The following PARD3 variants were observed in gnomAD, a reference collection of about 807,000 sequenced individuals.
PARD3 encodes the protein partitioning defective 3 homolog.
In PARD3, 75 loss-of-function variants were observed where a neutral mutation model predicts 155.4. The ratio of observed to expected loss-of-function variants is 0.48; its 90% confidence interval spans 0.40 to 0.58. The LOEUF (loss-of-function observed/expected upper bound fraction) is 0.58, where lower values mean the gene tolerates loss of function less well. PARD3 is among the 20% of genes least tolerant of loss of function. The probability of loss-of-function intolerance (pLI) is 0.00; values close to 1 mark genes in which losing one functional copy is unlikely to be tolerated. For missense variants in PARD3, 1,642 were observed against 1,721.7 expected (o/e 0.95, Z 0.82); for synonymous variants, 576 against 610.5 (o/e 0.94, Z 0.83).
intron 2 of PARD3, among the ~76,000 whole-genome samples, chr10:34,523,900 T>C (rs988758184): frequency 6.6e-6 from 1 of 152,210 alleles, no homozygotes; most frequent in Non-Finnish European, 1.5e-5. Flanking sequence ...ATTAGGATCA[T>C]ACCTACCAAT....
chr10:34,644,091 G>A (rs924387541), intron 2 of PARD3, among the ~76,000 whole-genome samples: 9 of 152,252 alleles, frequency 5.9e-5, no homozygotes, highest in Admixed American at 1.3e-4. Context: ...ACTGTCCACT[G>A]TGACTGGATA....
chr10:34,420,273 T>A (rs1332971452), intron 5 of PARD3, among the ~76,000 whole-genome samples: 3 of 152,354 alleles, frequency 2.0e-5, no homozygotes, highest in Non-Finnish European at 4.4e-5. Flanking sequence ...TCTAGCACCC[T>A]GTTTTTACTG....
intron 19 of PARD3, among the ~76,000 whole-genome samples, chr10:34,317,577 T>A (rs931725033): frequency 1.3e-5 from 2 of 152,108 alleles, no homozygotes; most frequent in Non-Finnish European, 2.9e-5. Context: ...AGCTTCCTGG[T>A]GGGATGCTGA....
At chr10:34,661,475 C>T (rs2093324890) in intron 2 of PARD3, among the ~76,000 whole-genome samples, 1 of 152,184 alleles carries the variant, frequency 6.6e-6, no homozygotes, top group African/African-American at 2.4e-5. Context: ...TGGCTAACCA[C>T]CACTCTGATG....
chr10:34,590,202 T>C (rs907797615), intron 2 of PARD3, among the ~76,000 whole-genome samples: 4 of 152,136 alleles, frequency 2.6e-5, no homozygotes, highest in Admixed American at 1.3e-4. Context: ...TCAAATCTAA[T>C]TTAAAATTAG....
At chr10:34,232,183 T>C (rs1181820853) in intron 22 of PARD3, among the ~76,000 whole-genome samples, 1 of 152,110 alleles carries the variant, frequency 6.6e-6, no homozygotes, top group African/African-American at 2.4e-5. Context: ...AATAGCAATA[T>C]CTAAATTATA....
At chr10:34,352,687 G>A (rs1838250237) in intron 14 of PARD3, among the ~76,000 whole-genome samples, 1 of 152,196 alleles carries the variant, frequency 6.6e-6, no homozygotes, top group South Asian at 2.1e-4. Context: ...CGTGATCTCA[G>A]CTCGCTACAA....
At chr10:34,365,582 A>G (rs1589316953) in intron 12 of PARD3, among the ~76,000 whole-genome samples, 1 of 152,130 alleles carries the variant, frequency 6.6e-6, no homozygotes, top group East Asian at 1.9e-4. Flanking sequence ...AGACAAGAAC[A>G]TCTTTTTACT....
chr10:34,278,073 G>C, intron 21 of PARD3, among the ~76,000 whole-genome samples: 1 of 152,176 alleles, frequency 6.6e-6, no homozygotes, highest in African/African-American at 2.4e-5. Flanking sequence ...AGAGACAGGG[G>C]TCTTACTCTG....
At chr10:34,753,519 A>C (rs1484596166) in intron 1 of PARD3, among the ~76,000 whole-genome samples, 5 of 152,260 alleles carry the variant, frequency 3.3e-5, no homozygotes, top group Non-Finnish European at 7.3e-5. Flanking sequence ...GACAACACAG[A>C]AAGTAGCTCA....
chr10:34,680,842 G>A (rs1451157379), intron 2 of PARD3, among the ~76,000 whole-genome samples: 1 of 116,878 alleles, frequency 8.6e-6, no homozygotes, highest in Non-Finnish European at 1.7e-5. Flanking sequence ...GGTGGGGTGG[G>A]GGGAGGGGGG....
At chr10:34,571,931 G>GTGGGAGAATACAAATATTATTATGCTC (rs1484743004) in intron 2 of PARD3, among the ~76,000 whole-genome samples, 36 of 152,250 alleles carry the variant, frequency 2.4e-4, no homozygotes, top group Non-Finnish European at 4.4e-4. Context: ...TCTAGATTTA[G>GTGGGAGAATACAAATATTATTATGCTC]TGGGAGAATA....
At chr10:34,511,170 G>A (rs1338485845) in intron 3 of PARD3, among the ~76,000 whole-genome samples, 3 of 152,116 alleles carry the variant, frequency 2.0e-5, no homozygotes, top group South Asian at 2.1e-4. Context: ...CACCCCTATC[G>A]TGTTCACATG....
chr10:34,435,281 A>G (rs2076133963), intron 5 of PARD3, among the ~76,000 whole-genome samples: 1 of 152,206 alleles, frequency 6.6e-6, no homozygotes, highest in African/African-American at 2.4e-5. Flanking sequence ...CTTCTTAAAC[A>G]TCAGAAAGGG....
At chr10:34,691,346 G>A (rs1184828471) in intron 2 of PARD3, among the ~76,000 whole-genome samples, 2 of 152,142 alleles carry the variant, frequency 1.3e-5, no homozygotes, top group Admixed American at 1.3e-4. Context: ...ATTCCCAATA[G>A]CCACAAAAAG....
At chr10:34,577,524 C>G (rs1470494551) in intron 2 of PARD3, among the ~76,000 whole-genome samples, 1 of 152,204 alleles carries the variant, frequency 6.6e-6, no homozygotes, top group Non-Finnish European at 1.5e-5. Flanking sequence ...CAGCTGAAGG[C>G]AACACAGCAT....
Position 34,632,739 on chromosome 10 carries a change from G to A in PARD3, c.222+63579C>T, listed in dbSNP as rs74730075. Reference sequence around the variant, plus strand: ...TACATAAATACAAAGCATTAGTAGCGTACAGCTCTAGAGGATAAACCCAGC... The same window carrying A: ...TACATAAATACAAAGCATTAGTAGCATACAGCTCTAGAGGATAAACCCAGC... On this transcript the variant is annotated intron_variant, in intron 2 of 24. Coordinates refer to ENST00000374788, the MANE Select transcript of PARD3 (RefSeq NM_001184785.2). Among the ~76,000 whole-genome samples the A allele has an allele frequency of 7.4e-3, 1,122 of 152,310 alleles. 14 individuals are homozygous for A. Among genetic ancestry groups the A allele is most frequent in the African/African-American group, 0.026 (1,079 of 41,566 alleles).
chr10:34,113,822 C>A lies in PARD3; in HGVS notation c.3669-2260G>T, dbSNP rs1946525196. 3.3e-5 allele frequency among the ~76,000 whole-genome samples: 5 copies of A among 152,184 alleles called. No individual in the cohort carries two copies. In the South Asian group the frequency reaches 1.0e-3, roughly 32 times the overall value. ...ACCTTACCTATGAAACAGGCATAAT[C>A]TCTAACCCTGAAAGGTTGTGGGGAG... On this transcript the variant is annotated intron_variant, in intron 24 of 24. Coordinates refer to ENST00000374788, the MANE Select transcript of PARD3 (RefSeq NM_001184785.2).
intron 22 of PARD3, among the ~76,000 whole-genome samples, chr10:34,153,256 C>T (rs1948860286): frequency 6.6e-6 from 1 of 152,122 alleles, no homozygotes; most frequent in Admixed American, 6.5e-5. Context: ...AAGTGATCCT[C>T]CCAACTTGGC....
Sources: allele counts gnomAD v4.1 joint callset (sites outside exome capture counted in the v4.1 genomes callset), GRCh38; gene constraint gnomAD v4.1.1; transcripts MANE v1.5; gene names NCBI Gene and HGNC (gene_info 2026-07-23, HGNC 2026-07-21).